GABRB3: variants seen among roughly 807,000 people sequenced by gnomAD.
GABRB3 encodes gamma-aminobutyric acid receptor subunit beta-3.
In GABRB3, 14 loss-of-function variants were observed where a neutral mutation model predicts 52.1. The observed-to-expected ratio is 0.27, with a 90% CI of 0.18 to 0.42. The LOEUF (loss-of-function observed/expected upper bound fraction) is 0.42. Among genes scored for constraint, GABRB3 ranks in the 10% least tolerant of loss-of-function variants. The pLI is 1.00. For synonymous variants in GABRB3, 260 were observed against 232.3 expected, an observed-to-expected ratio of 1.12 and a Z score of -1.08; for missense variants, 307 against 609.1, an observed-to-expected ratio of 0.50 and a Z score of 5.22.
At chr15:26,675,470 T>C (rs908040595) in intron 3 of GABRB3, among the ~76,000 whole-genome samples, 1 of 152,142 alleles carries the variant, frequency 6.6e-6, no homozygotes, top group Non-Finnish European at 1.5e-5. Flanking sequence ...TGTGTGTGCG[T>C]GTTGGGAGTA....
intron 4 of GABRB3, chr15:26,615,173 A>G: frequency 5.3e-6 from 3 of 562,568 alleles, no homozygotes; most frequent in Non-Finnish European, 6.8e-6. Context: ...CAAATAGAAG[A>G]AAACTTCAGT....
intron 3 of GABRB3, among the ~76,000 whole-genome samples, chr15:26,753,038 T>C (rs1229676919): frequency 6.6e-6 from 1 of 152,158 alleles, no homozygotes; most frequent in East Asian, 1.9e-4. Context: ...TCTTGTTTCT[T>C]GTACTGACCA....
chr15:26,765,805 G>A (rs1024119689), intron 3 of GABRB3, among the ~76,000 whole-genome samples: 1 of 152,188 alleles, frequency 6.6e-6, no homozygotes, highest in East Asian at 1.9e-4. Flanking sequence ...TGCAGAATGG[G>A]AAATGTCTAA....
At chr15:26,692,152 G>A (rs1015667184) in intron 3 of GABRB3, among the ~76,000 whole-genome samples, 4 of 152,066 alleles carry the variant, frequency 2.6e-5, no homozygotes, top group African/African-American at 9.7e-5. Flanking sequence ...CAATATTGAC[G>A]GGCTTCAAGC....
chr15:26,720,383 T>G (rs1319111341), intron 3 of GABRB3, among the ~76,000 whole-genome samples: 2 of 152,172 alleles, frequency 1.3e-5, no homozygotes, highest in Non-Finnish European at 2.9e-5. Flanking sequence ...ATTATTTTTC[T>G]CCTGGCTCTC....
chr15:26,722,469 G>A (rs1317703505), intron 3 of GABRB3, among the ~76,000 whole-genome samples: 4 of 152,124 alleles, frequency 2.6e-5, no homozygotes, highest in African/African-American at 7.2e-5. Context: ...ACCACATGAC[G>A]TGCTGTGAAA....
intron 3 of GABRB3, among the ~76,000 whole-genome samples, chr15:26,674,814 T>C (rs2140638001): frequency 6.6e-6 from 1 of 152,298 alleles, no homozygotes; most frequent in Non-Finnish European, 1.5e-5. Context: ...AATCCTTTTT[T>C]CCAACAGAAA....
chr15:26,638,491 A>C (rs978811505), intron 3 of GABRB3, among the ~76,000 whole-genome samples: 8 of 152,146 alleles, frequency 5.3e-5, no homozygotes, highest in African/African-American at 1.7e-4. Flanking sequence ...TTTGACAAAA[A>C]CCATAGCTGA....
At position 26,606,797 on chromosome 15, in the gene GABRB3, GATATATCT is replaced by G. The variant is rs1168882170; in HGVS notation, c.461+14509_461+14516del. Among the ~76,000 whole-genome samples, 123 of 122,816 alleles carry G rather than the reference GATATATCT, an allele frequency of 1.0e-3. 2 individuals carry two copies. The highest frequency in any genetic ancestry group is 1.5e-3 in the African/African-American group (48 of 31,874). 80.6% of individuals were successfully genotyped at this position (122,816 alleles called of 152,430 possible). A position where few individuals can be genotyped will look rare whatever the true frequency, so the allele number is the denominator to read the frequency against. On this transcript the variant is annotated intron_variant, in intron 4 of 8. Transcript: ENST00000311550. ...AGATAGATAGATATATCTATAGATAGATATATCTATAGATAGATAGATAGATAGATAGA... is the reference window on the plus strand; with the variant it reads ...AGATAGATAGATATATCTATAGATAGATAGATAGATAGATAGATAGATAGA...
At chr15:26,552,887 C>G (rs186726128) in intron 8 of GABRB3, among the ~76,000 whole-genome samples, 5 of 152,218 alleles carry the variant, frequency 3.3e-5, no homozygotes, top group Non-Finnish European at 7.4e-5. Context: ...TTGGGGTGTT[C>G]CATTCATTCC....
At chr15:26,747,228 T>C (rs908475405) in intron 3 of GABRB3, among the ~76,000 whole-genome samples, 4 of 152,324 alleles carry the variant, frequency 2.6e-5, no homozygotes, top group African/African-American at 9.6e-5. Context: ...CAGACTTCAA[T>C]ATAAATTTTA....
intron 3 of GABRB3, among the ~76,000 whole-genome samples, chr15:26,712,918 C>A (rs532886567): frequency 6.6e-6 from 1 of 152,202 alleles, no homozygotes; most frequent in African/African-American, 2.4e-5. Flanking sequence ...CCACAGGAAG[C>A]AGCACACTGG....
At chr15:26,671,918 A>G (rs967072016) in intron 3 of GABRB3, among the ~76,000 whole-genome samples, 2 of 152,160 alleles carry the variant, frequency 1.3e-5, no homozygotes, top group African/African-American at 4.8e-5. Context: ...ATCCCAGGGA[A>G]AAAGTTACTT....
intron 3 of GABRB3, among the ~76,000 whole-genome samples, chr15:26,729,377 C>T (rs929780255): frequency 5.9e-5 from 9 of 152,126 alleles, no homozygotes; most frequent in Non-Finnish European, 1.3e-4. Flanking sequence ...TTGGAGGCTC[C>T]TGAACCCAAG....
At chr15:26,764,188 AT>A (rs1890928246) in intron 3 of GABRB3, among the ~76,000 whole-genome samples, 3 of 4,940 alleles carry the variant, frequency 6.1e-4, no homozygotes, top group African/African-American at 3.0e-3. Flanking sequence ...AAATATATAT[AT>A]ATATATATAT....
chr15:26,660,048 G>A lies in GABRB3; in HGVS notation c.241-38514C>T, dbSNP rs541064176. Among the ~76,000 whole-genome samples, 5 of 152,092 alleles carry A rather than the reference G, an allele frequency of 3.3e-5. No individual in the cohort carries two copies. The East Asian group carries it at 9.7e-4, about 30-fold the overall frequency. Reference sequence around the variant, plus strand: ...AATTTGAGACCAACCCGGCCAACACGGTGAAACTCGGTCTCTACTAAAAAT... The same window carrying A: ...AATTTGAGACCAACCCGGCCAACACAGTGAAACTCGGTCTCTACTAAAAAT... On this transcript the variant is annotated intron_variant, in intron 3 of 8. Transcript: ENST00000311550.
chr15:26,667,044 T>G (rs1374099042), intron 3 of GABRB3, among the ~76,000 whole-genome samples: 1 of 152,242 alleles, frequency 6.6e-6, no homozygotes, highest in East Asian at 1.9e-4. Context: ...TAGGTGCTTT[T>G]GGTGTGAAAA....
intron 8 of GABRB3, among the ~76,000 whole-genome samples, chr15:26,554,188 ATACTAT>A (rs1265735671): frequency 3.2e-5 from 1 of 31,144 alleles, no homozygotes; most frequent in Admixed American, 4.9e-4. Flanking sequence ...ATATATATAT[ATACTAT>A]ATATATATAT....
intron 4 of GABRB3, among the ~76,000 whole-genome samples, chr15:26,609,763 T>A (rs777511556): frequency 2.0e-5 from 3 of 152,330 alleles, no homozygotes; most frequent in African/African-American, 7.2e-5. Context: ...TCAAAGTTGC[T>A]GAGAGAATAA....
Sources: allele counts gnomAD v4.1 joint callset (sites outside exome capture counted in the v4.1 genomes callset), GRCh38; gene constraint gnomAD v4.1.1; transcripts MANE v1.5; gene names NCBI Gene and HGNC (gene_info 2026-07-23, HGNC 2026-07-21).